Variants in MAGI2 observed in about 807,000 individuals in gnomAD.
The protein encoded by MAGI2 is membrane associated guanylate kinase, WW and PDZ domain containing 2.
A neutral mutation model predicts 133.3 loss-of-function variants in MAGI2; 35 were observed. That is an observed-to-expected ratio of 0.26 (90% CI 0.20 to 0.35). The LOEUF (loss-of-function observed/expected upper bound fraction) is 0.35. MAGI2 is among the 10% of genes least tolerant of loss of function. MAGI2 has a pLI of 1.00. For synonymous variants in MAGI2, 729 were observed against 710.6 expected (o/e 1.03, Z -0.41); for missense variants, 1,636 against 1,863.4 (o/e 0.88, Z 2.25).
chr7:78,421,741 C>T (rs977535007), intron 6 of MAGI2, among the ~76,000 whole-genome samples: 2 of 152,054 alleles, frequency 1.3e-5, no homozygotes, highest in Admixed American at 6.5e-5. Context: ...GAGATTGAGG[C>T]TGCAGTGGGC....
intron 2 of MAGI2, among the ~76,000 whole-genome samples, chr7:78,665,252 A>G (rs1345233595): frequency 6.6e-6 from 1 of 152,148 alleles, no homozygotes; most frequent in African/African-American, 2.4e-5. Flanking sequence ...TGTATGAAAA[A>G]GCTTGGATAA....
intron 16 of MAGI2, among the ~76,000 whole-genome samples, chr7:78,140,445 G>C (rs551791292): frequency 6.6e-6 from 1 of 152,134 alleles, no homozygotes; most frequent in Non-Finnish European, 1.5e-5. Context: ...ATTTTGCATC[G>C]ATCATGCCAA....
At chr7:78,346,473 T>C (rs996431501) in intron 7 of MAGI2, among the ~76,000 whole-genome samples, 2 of 152,178 alleles carry the variant, frequency 1.3e-5, no homozygotes, top group East Asian at 1.9e-4. Context: ...AATTCATTGA[T>C]AGAGTATAGC....
chr7:78,701,107 T>G (rs1818024481), intron 2 of MAGI2, among the ~76,000 whole-genome samples: 1 of 151,796 alleles, frequency 6.6e-6, no homozygotes, highest in Non-Finnish European at 1.5e-5. Context: ...ATTTCTTCAG[T>G]TTTTCCATTA....
chr7:78,129,317 A>C (rs1821307850), intron 18 of MAGI2, among the ~76,000 whole-genome samples: 1 of 103,670 alleles, frequency 9.6e-6, no homozygotes, highest in African/African-American at 4.0e-5. Flanking sequence ...GAATTCTTTA[A>C]TAAGGGAAAC....
chr7:78,809,767 G>T (rs981157372), intron 2 of MAGI2, among the ~76,000 whole-genome samples: 4 of 152,018 alleles, frequency 2.6e-5, no homozygotes, highest in Non-Finnish European at 5.9e-5. Flanking sequence ...TGTGAATAAA[G>T]TAACAACAAT....
At chr7:78,675,047 G>A (rs1814855696) in intron 2 of MAGI2, among the ~76,000 whole-genome samples, 1 of 152,070 alleles carries the variant, frequency 6.6e-6, no homozygotes, top group South Asian at 2.1e-4. Context: ...CCAAATCTGG[G>A]TCAAAAAACT....
In MAGI2 at chr7:78,185,618, A is replaced by G. The variant is rs757670713; in HGVS notation, c.2311+11T>C. The G allele has an allele frequency of 1.3e-6, 2 of 1,585,256 alleles. No individual in the cohort carries two copies. Among genetic ancestry groups the G allele is most frequent in the Non-Finnish European group, 1.7e-6 (2 of 1,160,190 alleles). ...TTGTTCACAGAACTGTGAGTACTGA[A>G]CAATACTTGCCAGAGGAATCCATTC... On this transcript the variant is annotated intron_variant, in intron 13 of 21. Transcript: ENST00000354212.
chr7:79,373,153 C>T (rs1843161577), intron 1 of MAGI2, among the ~76,000 whole-genome samples: 1 of 151,982 alleles, frequency 6.6e-6, no homozygotes, highest in African/African-American at 2.4e-5. Flanking sequence ...AGGGAACAAT[C>T]TGCAGATATT....
intron 6 of MAGI2, among the ~76,000 whole-genome samples, chr7:78,380,519 C>T (rs900547504): frequency 1.3e-5 from 2 of 152,088 alleles, no homozygotes; most frequent in Non-Finnish European, 2.9e-5. Flanking sequence ...CACATGTTCT[C>T]ACCCAGCTGT....
At chr7:78,247,244 G>A (rs539891621) in intron 10 of MAGI2, among the ~76,000 whole-genome samples, 1 of 152,120 alleles carries the variant, frequency 6.6e-6, no homozygotes, top group East Asian at 1.9e-4. Flanking sequence ...TGCCACTGCT[G>A]TTGCCACAAA....
intron 7 of MAGI2, among the ~76,000 whole-genome samples, chr7:78,356,008 C>T (rs1025485938): frequency 6.6e-6 from 1 of 152,124 alleles, no homozygotes; most frequent in Non-Finnish European, 1.5e-5. Context: ...AGTCAGGAGA[C>T]TGGGCTTTGT....
chr7:78,621,677 A>G (rs1807758085), intron 3 of MAGI2, among the ~76,000 whole-genome samples: 1 of 152,024 alleles, frequency 6.6e-6, no homozygotes, highest in African/African-American at 2.4e-5. Context: ...GATGGTAACT[A>G]AAGCACATTA....
At chr7:79,254,077 AT>A (rs1833515841) in intron 1 of MAGI2, among the ~76,000 whole-genome samples, 2 of 151,720 alleles carry the variant, frequency 1.3e-5, no homozygotes, top group Admixed American at 6.6e-5. Context: ...TAAACATTTC[AT>A]TTTTTTTCAA....
chr7:78,400,635 G>T (rs1424922475), intron 6 of MAGI2, among the ~76,000 whole-genome samples: 1 of 152,066 alleles, frequency 6.6e-6, no homozygotes, highest in Non-Finnish European at 1.5e-5. Context: ...TAAAATTCTA[G>T]GCAATATTTG....
chr7:79,149,114 TTATA>T (rs1434122350), intron 1 of MAGI2, among the ~76,000 whole-genome samples: 1 of 144,292 alleles, frequency 6.9e-6, no homozygotes, highest in Admixed American at 7.1e-5. Flanking sequence ...ATATATTATA[TTATA>T]TATAATATAA....
chr7:78,595,209 C>G (rs80244309), intron 3 of MAGI2, among the ~76,000 whole-genome samples: 3 of 152,098 alleles, frequency 2.0e-5, no homozygotes, highest in Non-Finnish European at 2.9e-5. Context: ...ACAAGATGTT[C>G]CACAACTTTC....
chr7:78,678,375 C>T (rs1437525797), intron 2 of MAGI2, among the ~76,000 whole-genome samples: 1 of 152,124 alleles, frequency 6.6e-6, no homozygotes, highest in African/African-American at 2.4e-5. Flanking sequence ...CTGCTTCCCA[C>T]TCAAAGTCAT....
rs139737428 is a variant in MAGI2, at chr7:78,866,546, C to G, written c.418+140544G>C. Reference sequence around the variant, plus strand: ...AGCCTTCACACTAGTTTGTGAGTCCCAGGATTCTTCCATAGTCAATCCCCT... The same window carrying G: ...AGCCTTCACACTAGTTTGTGAGTCCGAGGATTCTTCCATAGTCAATCCCCT... On this transcript the variant is annotated intron_variant, in intron 2 of 21. Transcript: ENST00000354212. Among the ~76,000 whole-genome samples the G allele has an allele frequency of 3.0e-3, 449 of 152,028 alleles. 4 individuals carry two copies. The highest frequency in any genetic ancestry group is 0.01 in the African/African-American group (429 of 41,490).
Sources: allele counts gnomAD v4.1 joint callset (sites outside exome capture counted in the v4.1 genomes callset), GRCh38; gene constraint gnomAD v4.1.1; transcripts MANE v1.5; gene names NCBI Gene and HGNC (gene_info 2026-07-23, HGNC 2026-07-21).